The following MTMR9 variants were observed in gnomAD, a reference collection of about 807,000 sequenced individuals.
The protein encoded by MTMR9 is myotubularin-related protein 9.
In MTMR9, 39 loss-of-function variants were observed where a neutral mutation model predicts 69.5. That is an observed-to-expected ratio of 0.56 (90% CI 0.43 to 0.73). The LOEUF is 0.73. Ranked by LOEUF, MTMR9 falls within the 30% of genes least tolerant of loss-of-function variation. MTMR9 has a pLI of 0.00. For synonymous variants in MTMR9, 354 were observed against 240.8 expected (o/e 1.47, Z -4.35); for missense variants, 900 against 671.2 (o/e 1.34, Z -3.77).
intron 1 of MTMR9, among the ~76,000 whole-genome samples, chr8:11,286,555 A>G (rs1403980749): frequency 6.6e-6 from 1 of 150,808 alleles, no homozygotes; most frequent in Non-Finnish European, 1.5e-5. Flanking sequence ...AATCCCAGTT[A>G]CTCAGGAGGC....
At chr8:11,286,666 CAAAAA>C (rs869105936) in intron 1 of MTMR9, among the ~76,000 whole-genome samples, 316 of 71,652 alleles carry the variant, frequency 4.4e-3, no homozygotes, top group African/African-American at 0.016. Flanking sequence ...AACTCCATCT[CAAAAA>C]AAAAAAAAAA....
chr8:11,315,173 G>A (rs1800364811), intron 7 of MTMR9, 109 bp downstream of exon 7: 1 of 1,379,294 alleles, frequency 7.3e-7, no homozygotes, highest in Non-Finnish European at 1.0e-6. Flanking sequence ...AAATTTCTAA[G>A]TTGTGTGTTT....
intron 7 of MTMR9, among the ~76,000 whole-genome samples, chr8:11,315,312 T>C (rs574514619): frequency 1.3e-5 from 2 of 152,256 alleles, no homozygotes; most frequent in East Asian, 3.9e-4. Flanking sequence ...ACAGGAGAAA[T>C]ACAAAGAATG....
the MTMR9 span, among the ~76,000 whole-genome samples, chr8:11,337,439 C>T: frequency 1.3e-5 from 2 of 152,170 alleles, no homozygotes; most frequent in Admixed American, 1.3e-4. Flanking sequence ...ATTGGCAGGG[C>T]CCTGAATTTT....
chr8:11,332,138 G>C, downstream of MTMR9: 1 of 1,611,588 alleles, frequency 6.2e-7, no homozygotes, highest in Non-Finnish European at 8.5e-7. Context: ...GAACTTGGGA[G>C]CCCGGGGGTT....
At chr8:11,331,945 C>A, downstream of MTMR9, 2 of 1,612,024 alleles carry the variant, frequency 1.2e-6, no homozygotes, top group Non-Finnish European at 1.7e-6. Flanking sequence ...GCCCACCCTG[C>A]CCTGGTGTGC....
In MTMR9 at chr8:11,306,104, A is replaced by G. The variant is rs893519178; in HGVS notation, c.592-86A>G. 8.0e-6 allele frequency: 9 copies of G among 1,127,020 alleles called. No homozygotes were observed. In the Admixed American group the frequency reaches 1.5e-4, roughly 19 times the overall value. The allele number at this position is 1,127,020 out of a possible 1,614,324, so 69.8% of individuals were successfully genotyped here. ...AGAGTGTCACACAATTGTTTTTGAG[A>G]TACTCTTAATCTAGCTAATTTCTTT... On this transcript the variant is annotated intron_variant, in intron 4 of 9. Transcript: ENST00000221086.
intron 9 of MTMR9, among the ~76,000 whole-genome samples, chr8:11,322,113 G>A (rs1202996211): frequency 6.6e-6 from 1 of 152,174 alleles, no homozygotes; most frequent in African/African-American, 2.4e-5. Context: ...AAGTAACAGG[G>A]AGAGAGGCAT....
chr8:11,285,593 A>G (rs1799119188), intron 1 of MTMR9, among the ~76,000 whole-genome samples: 1 of 152,190 alleles, frequency 6.6e-6, no homozygotes, highest in African/African-American at 2.4e-5. Flanking sequence ...AATTCTCACT[A>G]AGGGAGATTC....
the MTMR9 span, among the ~76,000 whole-genome samples, chr8:11,337,224 G>T: frequency 1.3e-5 from 2 of 152,188 alleles, no homozygotes; most frequent in African/African-American, 4.8e-5. Context: ...AGAACCAGCA[G>T]ACTGTTGGGT....
intron 1 of MTMR9, among the ~76,000 whole-genome samples, chr8:11,287,133 C>T (rs1044420797): frequency 2.6e-5 from 4 of 152,166 alleles, no homozygotes; most frequent in Non-Finnish European, 5.9e-5. Flanking sequence ...TCTGTTAATT[C>T]CACAACTGGA....
downstream of MTMR9, among the ~76,000 whole-genome samples, chr8:11,332,866 C>T (rs1801287386): frequency 6.6e-6 from 1 of 152,194 alleles, no homozygotes; most frequent in Admixed American, 6.5e-5. Flanking sequence ...TCCCAAAATG[C>T]TGGGATTGCA....
the MTMR9 span, among the ~76,000 whole-genome samples, chr8:11,336,587 T>C: frequency 1.3e-5 from 2 of 152,244 alleles, no homozygotes; most frequent in Non-Finnish European, 2.9e-5. Flanking sequence ...TCACTGTCCA[T>C]GAATTGATGT....
intron 5 of MTMR9, among the ~76,000 whole-genome samples, chr8:11,307,490 C>T (rs929164976): frequency 3.9e-5 from 6 of 152,168 alleles, no homozygotes; most frequent in African/African-American, 1.2e-4. Context: ...GTGAATAGTG[C>T]TGCAGTGAAC....
rs755153057 is a variant in MTMR9 at position 11,285,948 on chromosome 8, C to CTTTTT, written c.182+896_182+900dup. Among the ~76,000 whole-genome samples the CTTTTT allele has an allele frequency of 5.4e-3, 576 of 107,006 alleles. 3 individuals are homozygous for CTTTTT. Among genetic ancestry groups the CTTTTT allele is most frequent in the Middle Eastern group, 0.014 (2 of 146 alleles). The allele number at this position is 107,006 out of a possible 152,430, so 70.2% of individuals were successfully genotyped here. A position where few individuals can be genotyped will look rare whatever the true frequency, so the allele number is the denominator to read the frequency against. On this transcript the variant is annotated intron_variant, in intron 1 of 9. Coordinates refer to ENST00000221086, the MANE Select transcript of MTMR9 (RefSeq NM_015458.4). ...AAAATAATAATCTCTTTCTTTCTTT[C>CTTTTT]TTTTTTTTTTTTTTTTTTTTTTGGA...
At chr8:11,331,862 T>G (rs138832889), downstream of MTMR9, 327 of 1,611,884 alleles carry the variant, frequency 2.0e-4, no homozygotes, top group African/African-American at 3.8e-3. Flanking sequence ...ACCTCCTGAG[T>G]TGGAGTTGTG....
intron 6 of MTMR9, among the ~76,000 whole-genome samples, chr8:11,313,288 G>T (rs1001823817): frequency 1.3e-5 from 2 of 152,120 alleles, no homozygotes; most frequent in South Asian, 4.1e-4. Flanking sequence ...CCTTCCTCTG[G>T]ATTAGGCTTT....
intron 6 of MTMR9, among the ~76,000 whole-genome samples, chr8:11,312,248 G>C (rs936923708): frequency 6.6e-6 from 1 of 151,930 alleles, no homozygotes; most frequent in Non-Finnish European, 1.5e-5. Context: ...TGTGGTTTCT[G>C]TTTATTGCCC....
chr8:11,333,662 TAA>T, the MTMR9 span, among the ~76,000 whole-genome samples: 1 of 152,194 alleles, frequency 6.6e-6, no homozygotes, highest in African/African-American at 2.4e-5. Context: ...CCATAGGAAT[TAA>T]AAGACAAAAA....
Sources: allele counts gnomAD v4.1 joint callset (sites outside exome capture counted in the v4.1 genomes callset), GRCh38; gene constraint gnomAD v4.1.1; transcripts MANE v1.5; gene names NCBI Gene and HGNC (gene_info 2026-07-23, HGNC 2026-07-21).